The following PAXBP1 variants were observed in gnomAD, a reference collection of about 807,000 sequenced individuals.
PAXBP1 encodes PAX3 and PAX7 binding protein 1.
In PAXBP1, 44 loss-of-function variants were observed where a neutral mutation model predicts 119.9. That is an observed-to-expected ratio of 0.37 (90% CI 0.29 to 0.47). The LOEUF (loss-of-function observed/expected upper bound fraction) is 0.47, where lower values mean the gene tolerates loss of function less well. Ranked by LOEUF, PAXBP1 falls within the 20% of genes least tolerant of loss-of-function variation. The probability of loss-of-function intolerance (pLI) is 0.99; values close to 1 mark genes in which losing one functional copy is unlikely to be tolerated. For missense variants in PAXBP1, 898 were observed against 1,134.1 expected, an observed-to-expected ratio of 0.79 and a Z score of 2.99; for synonymous variants, 393 against 406.6, an observed-to-expected ratio of 0.97 and a Z score of 0.40.
intron 11 of PAXBP1, among the ~76,000 whole-genome samples, chr21:32,746,857 T>A (rs1211592556): frequency 6.6e-6 from 1 of 152,116 alleles, no homozygotes; most frequent in Non-Finnish European, 1.5e-5. Context: ...AATTATAGAC[T>A]GGATAAAGAA....
chr21:32,749,663 G>A (rs1223610466), intron 10 of PAXBP1, among the ~76,000 whole-genome samples: 1 of 151,644 alleles, frequency 6.6e-6, no homozygotes, highest in East Asian at 1.9e-4. Context: ...ACAGCATCCT[G>A]TATAAATTAT....
At chr21:32,768,975 C>T (rs2044288560) in intron 2 of PAXBP1, among the ~76,000 whole-genome samples, 1 of 152,186 alleles carries the variant, frequency 6.6e-6, no homozygotes, top group Admixed American at 6.5e-5. Flanking sequence ...TAAAGCAGTC[C>T]TCTCTCCTCT....
rs760729307 is a variant in PAXBP1, at chr21:32,761,017, T to A, written c.975+42A>T. 21 of 1,521,694 alleles carry A rather than the reference T, an allele frequency of 1.4e-5. No homozygotes were observed. The Admixed American group carries it at 4.2e-4, about 30-fold the overall frequency. 94.3% of individuals were successfully genotyped at this position (1,521,694 alleles called of 1,614,324 possible). A position where few individuals can be genotyped will look rare whatever the true frequency, so the allele number is the denominator to read the frequency against. ...TACTTTAACAAAATAAAAAAGGCTT[T>A]TTAATCTACTTTTAATTTTTAGTTT... is the stretch of plus-strand genomic sequence containing the variant. On this transcript the variant is annotated intron_variant, in intron 5 of 17. Transcript: ENST00000331923.
chr21:32,771,496 C>A lies in PAXBP1; in HGVS notation c.173G>T (p.Gly58Val). 1 of 1,327,112 alleles carries A rather than the reference C, an allele frequency of 7.5e-7. No homozygotes were observed. Among genetic ancestry groups the A allele is most frequent in the South Asian group, 2.0e-5 (1 of 50,422 alleles). 82.2% of individuals were successfully genotyped at this position (1,327,112 alleles called of 1,614,324 possible). A position where few individuals can be genotyped will look rare whatever the true frequency, so the allele number is the denominator to read the frequency against. The change falls in exon 1 of 18, where the codon GGC (glycine) becomes GTC (valine). Residue 58 changes from glycine to valine, a missense_variant. By Grantham distance (109) the Gly-to-Val change is moderately radical (BLOSUM62 -3). Around this residue, in one of 2 missense-constraint regions of PAXBP1, gnomAD observed 299 missense variants for 281.4 expected, o/e 1.06. Transcript: ENST00000331923. ...CGCGGAAGGCGGCGACGGCCCCGGG[C>A]CCAGCAGCGACTCCCCGCCAGGGGC... ...DRAPGGESLL[G>V]PGPSPPSALT... is the part of the protein sequence containing the mutation.
chr21:32,743,841 G>A (rs2043826424), intron 13 of PAXBP1, 87 bp from the exon 14 acceptor site: 1 of 706,336 alleles, frequency 1.4e-6, no homozygotes, highest in African/African-American at 1.8e-5. Flanking sequence ...ACTGAATATT[G>A]AACTGAGTGA....
intron 11 of PAXBP1, among the ~76,000 whole-genome samples, chr21:32,746,316 C>T (rs1369466527): frequency 1.3e-5 from 2 of 152,162 alleles, no homozygotes; most frequent in Admixed American, 6.5e-5. Flanking sequence ...AAACTATTAT[C>T]AGAGTGAACA....
chr21:32,740,757 C>A (rs925484835), intron 15 of PAXBP1, among the ~76,000 whole-genome samples: 2 of 151,026 alleles, frequency 1.3e-5, no homozygotes, highest in Non-Finnish European at 2.9e-5. Flanking sequence ...TGGACTTCAT[C>A]AAAATTAAGA....
In PAXBP1 at chr21:32,762,097, T is replaced by C. The variant is rs777276800; in HGVS notation, c.870A>G (p.Ile290Met). ...TACTATTCAATTAAATCAAGTTACCTATTTCCTCAGCAATTTTTTGTCTTT... is the reference window on the plus strand; with the variant it reads ...TACTATTCAATTAAATCAAGTTACCCATTTCCTCAGCAATTTTTTGTCTTT... The part of the protein sequence containing the change: ...KSQRQKIAEE[I>M]GIEGSDDDAL... The change falls in exon 4 of 18, where the codon ATA becomes ATG. Residue 290 changes from isoleucine (I) to methionine (M), a missense_variant and splice_region_variant. Coordinates refer to ENST00000331923, the MANE Select transcript of PAXBP1 (RefSeq NM_016631.4). 6.2e-7 allele frequency: 1 copy of C among 1,614,012 alleles called. No homozygotes were observed. The highest frequency in any genetic ancestry group is 1.3e-5 in the African/African-American group (1 of 74,910).
At position 32,757,577 on chromosome 21, in the gene PAXBP1, T is replaced by C. The variant is rs2146503869; in HGVS notation, c.1383+1503A>G. On this transcript the variant is annotated intron_variant, in intron 7 of 17. Coordinates refer to ENST00000331923, the MANE Select transcript of PAXBP1 (RefSeq NM_016631.4). ...AATTCAACAATTAAAAACTATAAAC[T>C]AGGTTGTCCTACTTTTGGTATGATC... Among the ~76,000 whole-genome samples the C allele has an allele frequency of 2.0e-5, 3 of 152,318 alleles. No individual in the cohort carries two copies. The South Asian group carries it at 6.2e-4, about 32-fold the overall frequency.
Position 32,771,561 on chromosome 21 carries a change from C to T in PAXBP1, c.108G>A (p.Pro36=), listed in dbSNP as rs1184540007. Residue 36 remains proline (P), a synonymous_variant, in exon 1 of 18, where the codon CCG becomes CCA. Transcript: ENST00000331923. ...CGGGGCCCGCCTCTTCGCCCGTGCC[C>T]GGCGGCGGCAACAACGGCGGCGGCT... ...EQEPPPLLPP[P]GTGEEAGPGG... The T allele has an allele frequency of 2.1e-6, 3 of 1,423,690 alleles. No homozygotes were observed. The highest frequency in any genetic ancestry group is 2.7e-6 in the Non-Finnish European group (3 of 1,092,412). The allele number at this position is 1,423,690 out of a possible 1,614,324, so 88.2% of individuals were successfully genotyped here.
chr21:32,759,035 C>T (rs1280569359), intron 7 of PAXBP1, 45 bp downstream of exon 7: 8 of 1,586,808 alleles, frequency 5.0e-6, no homozygotes, highest in Non-Finnish European at 6.9e-6. Context: ...CTAGACCTCC[C>T]TAATTTTGCC....
chr21:32,734,364 G>GATTCA lies in PAXBP1; in HGVS notation c.*581_*585dup, dbSNP rs1478458970. 6.5e-6 allele frequency: 1 copy of GATTCA among 152,994 alleles called. No homozygotes were observed. Among genetic ancestry groups the GATTCA allele is most frequent in the Non-Finnish European group, 1.5e-5 (1 of 68,332 alleles). 9.5% of individuals were successfully genotyped at this position (152,994 alleles called of 1,614,324 possible). A position where few individuals can be genotyped will look rare whatever the true frequency, so the allele number is the denominator to read the frequency against. On this transcript the variant is annotated 3_prime_UTR_variant, in exon 18 of 18. Coordinates refer to ENST00000331923, the MANE Select transcript of PAXBP1 (RefSeq NM_016631.4). ...TAAACCCACATTTGACTCTAACGCT[G>GATTCA]ATTCAAGGAAGAAAGTTCAACATTC...
At chr21:32,742,574 T>G (rs920280860) in intron 15 of PAXBP1, 2 of 153,058 alleles carry the variant, frequency 1.3e-5, no homozygotes, top group African/African-American at 4.8e-5. Flanking sequence ...TCATAACTCA[T>G]CACACCTGAG....
chr21:32,738,918 G>A (rs774000675), intron 15 of PAXBP1, among the ~76,000 whole-genome samples: 6 of 152,100 alleles, frequency 3.9e-5, no homozygotes, highest in Non-Finnish European at 7.4e-5. Flanking sequence ...AGCTGCTTGC[G>A]GCAGAGGTCT....
At chr21:32,766,921 C>T (rs2044251170) in intron 2 of PAXBP1, among the ~76,000 whole-genome samples, 1 of 152,218 alleles carries the variant, frequency 6.6e-6, no homozygotes, top group African/African-American at 2.4e-5. Context: ...CGACCATCAT[C>T]TTCCTGAAAC....
intron 17 of PAXBP1, among the ~76,000 whole-genome samples, chr21:32,736,335 C>T (rs1386487973): frequency 2.0e-5 from 3 of 151,962 alleles, no homozygotes; most frequent in Non-Finnish European, 4.4e-5. Context: ...ACTATAGGCA[C>T]GCACCACCAC....
At chr21:32,752,111 C>T (rs2043966249) in intron 8 of PAXBP1, 1 of 152,236 alleles carries the variant, frequency 6.6e-6, no homozygotes, top group Non-Finnish European at 1.5e-5. Flanking sequence ...GGTTCTGCTG[C>T]TCAGGTTGGT....
chr21:32,751,361 T>C (rs185173566), intron 8 of PAXBP1, 143 bp from the exon 9 acceptor site: 16 of 655,862 alleles, frequency 2.4e-5, no homozygotes, highest in African/African-American at 2.3e-4. Flanking sequence ...AGGTAGGTTT[T>C]TGGTTTAGAA....
intron 15 of PAXBP1, 119 bp downstream of exon 15, chr21:32,743,129 G>T (rs1179062803): frequency 3.9e-6 from 3 of 773,380 alleles, no homozygotes; most frequent in African/African-American, 3.4e-5. Flanking sequence ...TGGAGATTTT[G>T]GGTATAGATA....
Sources: allele counts gnomAD v4.1 joint callset (sites outside exome capture counted in the v4.1 genomes callset), GRCh38; gene constraint gnomAD v4.1.1; regional missense constraint gnomAD v4.1.1; transcripts MANE v1.5; gene names NCBI Gene and HGNC (gene_info 2026-07-23, HGNC 2026-07-21).